ITGA3: variants seen among roughly 807,000 people sequenced by gnomAD.
The protein encoded by ITGA3 is integrin subunit alpha 3.
Under a neutral mutation model 131.1 loss-of-function variants are expected in ITGA3, and 70 were observed. The ratio of observed to expected loss-of-function variants is 0.53; its 90% confidence interval spans 0.44 to 0.65. The LOEUF is 0.65. Ranked by LOEUF, ITGA3 falls within the 30% of genes least tolerant of loss-of-function variation. The probability of loss-of-function intolerance (pLI) is 0.00; values close to 1 mark genes in which losing one functional copy is unlikely to be tolerated. For synonymous variants in ITGA3, 537 were observed against 571.6 expected (o/e 0.94, Z 0.86); for missense variants, 1,098 against 1,388.6 (o/e 0.79, Z 3.33).
intron 7 of ITGA3, among the ~76,000 whole-genome samples, chr17:50,073,626 A>ACACACACG (rs1241159837): frequency 0.013 from 1,730 of 134,070 alleles, 22 homozygotes; most frequent in African/African-American, 0.045. Flanking sequence ...ACACACACAC[A>ACACACACG]CACACACGCA....
At chr17:50,060,592 G>C (rs969938881) in intron 1 of ITGA3, among the ~76,000 whole-genome samples, 2 of 152,162 alleles carry the variant, frequency 1.3e-5, no homozygotes, top group African/African-American at 4.8e-5. Flanking sequence ...GGAGCCAATG[G>C]GAGGGTGAGG....
intron 5 of ITGA3, 27 bp from the exon 6 acceptor site, chr17:50,071,284 T>C: frequency 6.2e-7 from 1 of 1,604,000 alleles, no homozygotes; most frequent in Non-Finnish European, 8.5e-7. Flanking sequence ...ACTGGGACCT[T>C]GGTTGAACAT....
rs961086134 is a variant in ITGA3, at chr17:50,077,172, T to C, written c.2070+51T>C. ...GCCCAAGCAGGGCTCCCCGCGTCTT[T>C]GCATCCCCATATCCATGTCCTGTGC... On this transcript the variant is annotated intron_variant, in intron 15 of 25. Coordinates refer to ENST00000320031, the MANE Select transcript of ITGA3 (RefSeq NM_002204.4). The C allele has an allele frequency of 4.0e-6, 6 of 1,492,880 alleles. No individual in the cohort carries two copies. In the African/African-American group the frequency reaches 7.0e-5, roughly 17 times the overall value. The allele number at this position is 1,492,880 out of a possible 1,614,324, so 92.5% of individuals were successfully genotyped here.
At position 50,075,631 on chromosome 17, in the gene ITGA3, C is replaced by A; in HGVS notation, c.1570C>A (p.Arg524Ser). 1.9e-6 allele frequency: 3 copies of A among 1,614,212 alleles called. No individual in the cohort carries two copies. Among genetic ancestry groups the A allele is most frequent in the Admixed American group, 1.7e-5 (1 of 60,036 alleles). ...CTACACTCTGGAGGCTGACAGGGACCGCCGGCCGCCCCGGCTCCGCTTTGC... is the reference window on the plus strand; with the variant it reads ...CTACACTCTGGAGGCTGACAGGGACAGCCGGCCGCCCCGGCTCCGCTTTGC... ...LAYTLEADRD[R>S]RPPRLRFAGS... The change falls in exon 12 of 26, where the codon CGC becomes AGC. Residue 524 changes from arginine (R) to serine (S), a missense_variant. Around this residue, in one of 3 missense-constraint regions of ITGA3, gnomAD observed 699 missense variants for 829.2 expected, o/e 0.84. Coordinates refer to ENST00000320031, the MANE Select transcript of ITGA3 (RefSeq NM_002204.4).
intron 23 of ITGA3, among the ~76,000 whole-genome samples, chr17:50,085,208 A>G (rs111336631): frequency 0.031 from 4,691 of 151,798 alleles, 258 homozygotes; most frequent in African/African-American, 0.11. Flanking sequence ...TTAAAAAAAA[A>G]AAAGAAAGAA....
At chr17:50,078,766 C>G in intron 18 of ITGA3, 58 bp from the exon 19 acceptor site, 1 of 1,028,534 alleles carries the variant, frequency 9.7e-7, no homozygotes, top group Admixed American at 1.9e-5. Flanking sequence ...GCCCACCCCC[C>G]TCTGCCAGGG....
rs762242261 is a variant in ITGA3 at position 50,064,512 on chromosome 17, C to T, written c.335-16C>T. On this transcript the variant is annotated splice_polypyrimidine_tract_variant and intron_variant, in intron 2 of 25. Transcript: ENST00000320031. The surrounding 1 kb of genome is among the most constrained non-coding windows in gnomAD (Gnocchi z 4.4). ...GGGTGAGGTGCTCTGATTCATGATCCTTCCGGTGCCCACAGATGACCCTGG... is the reference window on the plus strand; with the variant it reads ...GGGTGAGGTGCTCTGATTCATGATCTTTCCGGTGCCCACAGATGACCCTGG... 9 of 1,606,080 alleles carry T rather than the reference C, an allele frequency of 5.6e-6. No individual in the cohort carries two copies. The highest frequency in any genetic ancestry group is 7.6e-6 in the Non-Finnish European group (9 of 1,176,884).
At chr17:50,078,754 G>A in intron 18 of ITGA3, 70 bp from the exon 19 acceptor site, 1 of 869,860 alleles carries the variant, frequency 1.1e-6, no homozygotes, top group Non-Finnish European at 1.9e-6. Flanking sequence ...GCCAGCTTTG[G>A]TGCCCACCCC....
intron 7 of ITGA3, among the ~76,000 whole-genome samples, chr17:50,073,593 AAC>A (rs71146961): frequency 0.094 from 13,491 of 143,946 alleles, 870 homozygotes; most frequent in African/African-American, 0.19. Flanking sequence ...ACTGTCTATA[AAC>A]ACACACACAC....
chr17:50,068,111 G>C lies in ITGA3; in HGVS notation c.470G>C (p.Arg157Pro). ...VLWSGSEDQR[R>P]MVGKCYVRGN... ...TGGTCAGGGTCAGAAGACCAGCGGC[G>C]CATGGTGGGCAAGTGCTACGTGCGA... Residue 157 changes from arginine (R) to proline (P), a missense_variant, in exon 4 of 26, where the codon CGC becomes CCC. By Grantham distance (103) the Arg-to-Pro change is moderately radical (BLOSUM62 -2). Transcript: ENST00000320031. The C allele has an allele frequency of 6.2e-7, 1 of 1,614,166 alleles. No individual in the cohort carries two copies. The highest frequency in any genetic ancestry group is 8.5e-7 in the Non-Finnish European group (1 of 1,180,044).
intron 3 of ITGA3, among the ~76,000 whole-genome samples, chr17:50,067,024 C>A (rs1420392162): frequency 6.6e-6 from 1 of 152,116 alleles, no homozygotes; most frequent in East Asian, 1.9e-4. Context: ...TTTTTGATAA[C>A]CCTGTTATGG....
At chr17:50,069,100 G>A (rs186370984) in intron 4 of ITGA3, among the ~76,000 whole-genome samples, 223 of 151,918 alleles carry the variant, frequency 1.5e-3, no homozygotes, top group African/African-American at 4.9e-3. Context: ...CGCTCACCTC[G>A]GTCTCCCAAA....
At chr17:50,085,953 A>G (rs189010253) in intron 23 of ITGA3, among the ~76,000 whole-genome samples, 1,878 of 66,450 alleles carry the variant, frequency 0.028, 168 homozygotes, top group African/African-American at 0.053. Context: ...GATTTATAAT[A>G]TATATTAGAT....
At chr17:50,071,023 T>C in intron 5 of ITGA3, 93 bp downstream of exon 5, 1 of 859,452 alleles carries the variant, frequency 1.2e-6, no homozygotes, top group Non-Finnish European at 2.0e-6. Context: ...TTGTGACTAA[T>C]GGCATTTAGT....
At chr17:50,061,632 T>C (rs1350506864) in intron 1 of ITGA3, among the ~76,000 whole-genome samples, 1 of 152,080 alleles carries the variant, frequency 6.6e-6, no homozygotes, top group African/African-American at 2.4e-5. Flanking sequence ...AGTGATCACC[T>C]GGTATCCTCA....
chr17:50,080,224 C>T lies in ITGA3; in HGVS notation c.2707-38C>T, dbSNP rs770735093. 2.4e-5 allele frequency: 30 copies of T among 1,247,612 alleles called. No individual in the cohort carries two copies. In the South Asian group the frequency reaches 3.6e-4, roughly 15 times the overall value. The allele number at this position is 1,247,612 out of a possible 1,614,324, so 77.3% of individuals were successfully genotyped here. A position where few individuals can be genotyped will look rare whatever the true frequency, so the allele number is the denominator to read the frequency against. On this transcript the variant is annotated intron_variant, in intron 21 of 25. Coordinates refer to ENST00000320031, the MANE Select transcript of ITGA3 (RefSeq NM_002204.4). ...GCAAGGCATGAAGAATCTGGAGACT[C>T]AGACTATGTCACGTCTTGCGTTCCC...
intron 1 of ITGA3, 92 bp from the exon 2 acceptor site, chr17:50,063,985 G>T (rs1908206726): frequency 7.9e-6 from 12 of 1,513,334 alleles, no homozygotes; most frequent in Non-Finnish European, 1.1e-5. Flanking sequence ...CTGGCACCAA[G>T]AATCTGTAAA....
At chr17:50,077,293 C>CT in intron 15 of ITGA3, 86 bp from the exon 16 acceptor site, 1 of 1,376,264 alleles carries the variant, frequency 7.3e-7, no homozygotes, top group Non-Finnish European at 1.0e-6. Context: ...CTCTCAAGCT[C>CT]TAGGGCTTCT....
intron 4 of ITGA3, among the ~76,000 whole-genome samples, chr17:50,070,434 C>A (rs977884567): frequency 2.0e-5 from 3 of 151,950 alleles, no homozygotes; most frequent in Non-Finnish European, 4.4e-5. Context: ...TCACTTGAGG[C>A]CAGGAGTTTG....
Sources: allele counts gnomAD v4.1 joint callset (sites outside exome capture counted in the v4.1 genomes callset), GRCh38; gene constraint gnomAD v4.1.1; regional missense constraint gnomAD v4.1.1; non-coding constraint Gnocchi (gnomAD v3.1); transcripts MANE v1.5; gene names NCBI Gene and HGNC (gene_info 2026-07-23, HGNC 2026-07-21).